COBL: variants seen among roughly 807,000 people sequenced by gnomAD.
COBL encodes the protein protein cordon-bleu.
A neutral mutation model predicts 98.8 loss-of-function variants in COBL; 51 were observed. The ratio of observed to expected loss-of-function variants is 0.52; its 90% CI spans 0.41 to 0.65. COBL has a LOEUF of 0.65. Among genes scored for constraint, COBL ranks in the 30% least tolerant of loss-of-function variants. COBL has a pLI of 0.00. For missense variants in COBL, 1,617 were observed against 1,617.5 expected (o/e 1.00, Z 0.01); for synonymous variants, 634 against 651.7 (o/e 0.97, Z 0.41).
intron 8 of COBL, 89 bp downstream of exon 8, chr7:51,043,294 C>T (rs1208401055): frequency 3.1e-6 from 4 of 1,301,428 alleles, no homozygotes; most frequent in Admixed American, 3.8e-5. Flanking sequence ...GTTGTGATAG[C>T]ACGTGTTGGA....
At position 51,209,385 on chromosome 7, in the gene COBL, C is replaced by T. The variant is rs868068392; in HGVS notation, c.245+10356G>A. ...ACTAGACACCCCTGGGAAGTGGGTG[C>T]TGGTGGCAGTGGGAGCACCTGGTGC... On this transcript the variant is annotated intron_variant, in intron 2 of 12. Transcript: ENST00000265136. 2.0e-5 allele frequency among the ~76,000 whole-genome samples: 3 copies of T among 152,190 alleles called. No homozygotes were observed. In the South Asian group the frequency reaches 6.2e-4, roughly 32 times the overall value.
chr7:51,061,130 G>A (rs948006505), intron 7 of COBL, among the ~76,000 whole-genome samples: 1 of 152,180 alleles, frequency 6.6e-6, no homozygotes, highest in Non-Finnish European at 1.5e-5. Context: ...TACAGAATGG[G>A]TAGAAGACAT....
chr7:51,257,048 C>T (rs1797256212), intron 1 of COBL, among the ~76,000 whole-genome samples: 1 of 152,250 alleles, frequency 6.6e-6, no homozygotes, highest in South Asian at 2.1e-4. Context: ...TATATTGTTG[C>T]ATAGCCTGCA....
chr7:51,313,705 G>A (rs1300705331), intron 1 of COBL, among the ~76,000 whole-genome samples: 4 of 152,210 alleles, frequency 2.6e-5, no homozygotes, highest in Admixed American at 1.3e-4. Flanking sequence ...TTAACAGAGG[G>A]TCCAATGGGA....
chr7:51,221,555 A>G (rs1793640846), intron 1 of COBL, among the ~76,000 whole-genome samples: 1 of 152,252 alleles, frequency 6.6e-6, no homozygotes, highest in South Asian at 2.1e-4. Flanking sequence ...TGCTCAATAC[A>G]GGCTTTTTAA....
Position 51,025,325 on chromosome 7 carries a change from T to C in COBL, c.3552A>G (p.Ala1184=). 1 of 1,613,088 alleles carries C rather than the reference T, an allele frequency of 6.2e-7. No homozygotes were observed. Among genetic ancestry groups the C allele is most frequent in the South Asian group, 1.1e-5 (1 of 91,044 alleles). ...GACTTTCCGAGCCCTGAGCAGAGAGTGCGGCATCTCGGAAGCTCTGGAGCT... is the reference window on the plus strand; with the variant it reads ...GACTTTCCGAGCCCTGAGCAGAGAGCGCGGCATCTCGGAAGCTCTGGAGCT... ...SEELQSFRDA[A]LSAQGSESPL... The change falls in exon 12 of 13, where the codon GCA becomes GCG. Residue 1184 remains alanine (A), a synonymous_variant. Transcript: ENST00000265136.
intron 6 of COBL, among the ~76,000 whole-genome samples, chr7:51,085,918 C>T (rs138588821): frequency 6.6e-6 from 1 of 152,194 alleles, no homozygotes; most frequent in East Asian, 1.9e-4. Context: ...ACATTAGCCC[C>T]CAACCACAGC....
intron 2 of COBL, among the ~76,000 whole-genome samples, chr7:51,214,869 T>C (rs1001907638): frequency 2.5e-4 from 38 of 152,290 alleles, no homozygotes; most frequent in African/African-American, 8.7e-4. Flanking sequence ...TCGGTGGAGC[T>C]GCAGGGAGGC....
chr7:51,147,094 A>G (rs1356843055), intron 5 of COBL, among the ~76,000 whole-genome samples: 1 of 152,176 alleles, frequency 6.6e-6, no homozygotes, highest in Non-Finnish European at 1.5e-5. Flanking sequence ...TTCCTCTCAG[A>G]ATCCAGTCAG....
chr7:51,291,277 A>G (rs1800867158), intron 1 of COBL, among the ~76,000 whole-genome samples: 1 of 152,220 alleles, frequency 6.6e-6, no homozygotes, highest in African/African-American at 2.4e-5. Context: ...CAGAGTCACC[A>G]GAAAGGAGAT....
chr7:51,019,149 A>C (rs1168181191), intron 12 of COBL, among the ~76,000 whole-genome samples: 1 of 151,468 alleles, frequency 6.6e-6, no homozygotes, highest in African/African-American at 2.4e-5. Flanking sequence ...GGAGTGTTAC[A>C]GTCTGAATGC....
chr7:51,083,137 A>C, intron 7 of COBL: 4 of 650,388 alleles, frequency 6.2e-6, no homozygotes, highest in Non-Finnish European at 8.8e-6. Context: ...CTGTGTCGGG[A>C]GGAGGGTAGG....
At chr7:51,051,703 A>G (rs10253811) in intron 7 of COBL, among the ~76,000 whole-genome samples, 59,025 of 152,098 alleles carry the variant, frequency 0.39, 14,388 homozygotes, top group African/African-American at 0.68. Context: ...CCTATCAACA[A>G]CAGTCATGGG....
At chr7:51,073,946 T>C (rs1219337772) in intron 7 of COBL, among the ~76,000 whole-genome samples, 1 of 152,084 alleles carries the variant, frequency 6.6e-6, no homozygotes, top group Non-Finnish European at 1.5e-5. Context: ...TGGAGCAAAC[T>C]CCTCTTGAGT....
chr7:51,145,387 C>CT (rs55913181), intron 5 of COBL, among the ~76,000 whole-genome samples: 52,701 of 140,730 alleles, frequency 0.37, 9,940 homozygotes, highest in Middle Eastern at 0.57. Context: ...TTTTTTTTTT[C>CT]TTTTTTTTCC....
At chr7:51,048,165 CA>C (rs560007641) in intron 7 of COBL, among the ~76,000 whole-genome samples, 133 of 152,118 alleles carry the variant, frequency 8.7e-4, no homozygotes, top group Middle Eastern at 3.4e-3. Flanking sequence ...GACTCCATCT[CA>C]AAAATAAATA....
intron 7 of COBL, among the ~76,000 whole-genome samples, chr7:51,060,030 G>A (rs775134502): frequency 2.7e-4 from 41 of 152,074 alleles, no homozygotes; most frequent in Non-Finnish European, 5.0e-4. Flanking sequence ...CCTGCCGTAA[G>A]CTCTGCCGGA....
intron 2 of COBL, among the ~76,000 whole-genome samples, chr7:51,207,504 C>T (rs1425031202): frequency 1.3e-5 from 2 of 152,194 alleles, no homozygotes; most frequent in Non-Finnish European, 2.9e-5. Context: ...GTACTGCTGC[C>T]ATCTCGGCTC....
At chr7:51,088,423 T>G (rs1206312107) in intron 6 of COBL, among the ~76,000 whole-genome samples, 2 of 152,084 alleles carry the variant, frequency 1.3e-5, no homozygotes, top group African/African-American at 4.8e-5. Context: ...TTTTTGTTTT[T>G]AATTTCCAAG....
Sources: gnomAD v4.1 joint callset for allele counts (sites outside exome capture counted in the v4.1 genomes callset) on GRCh38, gnomAD v4.1.1 for gene constraint, MANE v1.5 for transcripts, NCBI Gene and HGNC (gene_info 2026-07-23, HGNC 2026-07-21) for gene names.